Variants in IREB2 observed in about 807,000 individuals in gnomAD.
IREB2 encodes iron responsive element binding protein 2.
Under a neutral mutation model 118.8 loss-of-function variants are expected in IREB2, and 39 were observed. That is an observed-to-expected ratio of 0.33 (90% CI 0.25 to 0.43). The LOEUF is 0.43. Ranked by LOEUF, IREB2 falls within the 20% of genes least tolerant of loss-of-function variation. IREB2 has a pLI of 1.00. For synonymous variants in IREB2, 372 were observed against 392.2 expected (o/e 0.95, Z 0.61); for missense variants, 900 against 1,147.3 (o/e 0.78, Z 3.11).
At chr15:78,446,133 C>T (rs920754159) in intron 2 of IREB2, among the ~76,000 whole-genome samples, 3 of 152,144 alleles carry the variant, frequency 2.0e-5, no homozygotes, top group Non-Finnish European at 4.4e-5. Context: ...AGTCTATTGC[C>T]GGTCTGGTGA....
chr15:78,467,687 C>G (rs1229391840), intron 5 of IREB2, among the ~76,000 whole-genome samples: 1 of 150,606 alleles, frequency 6.6e-6, no homozygotes, highest in Non-Finnish European at 1.5e-5. Context: ...AAGACTCTGT[C>G]TCAGAAAAAA....
At chr15:78,448,149 A>ATATT (rs1466390774) in intron 2 of IREB2, among the ~76,000 whole-genome samples, 1 of 151,976 alleles carries the variant, frequency 6.6e-6, no homozygotes, top group Non-Finnish European at 1.5e-5. Context: ...ATGTATGTAT[A>ATATT]TATTTATTTA....
At position 78,487,780 on chromosome 15, in the gene IREB2, C is replaced by G; in HGVS notation, c.1757C>G (p.Ala586Gly). Residue 586 changes from alanine (A) to glycine (G), a missense_variant, in exon 14 of 22, where the codon GCA becomes GGA. By Grantham distance (60) the Ala-to-Gly change is moderately conservative (BLOSUM62 0). Transcript: ENST00000258886. ...YGCSICVGNT[A>G]PLSDAVLNAV... Reference sequence around the variant, plus strand: ...TGTTCAATTTGTGTGGGAAATACAGCACCCTTATCAGACGCAGTTTTAAAT... The same window carrying G: ...TGTTCAATTTGTGTGGGAAATACAGGACCCTTATCAGACGCAGTTTTAAAT... The G allele has an allele frequency of 6.2e-7, 1 of 1,608,172 alleles. No homozygotes were observed. The highest frequency in any genetic ancestry group is 8.5e-7 in the Non-Finnish European group (1 of 1,174,964).
At chr15:78,479,673 T>C (rs149313457) in intron 10 of IREB2, among the ~76,000 whole-genome samples, 66 of 152,348 alleles carry the variant, frequency 4.3e-4, no homozygotes, top group African/African-American at 1.6e-3. Flanking sequence ...TCTGGTTTAC[T>C]TGTGTATTTT....
intron 9 of IREB2, among the ~76,000 whole-genome samples, chr15:78,477,945 G>A (rs928129397): frequency 6.6e-6 from 1 of 151,846 alleles, no homozygotes; most frequent in Non-Finnish European, 1.5e-5. Flanking sequence ...TTATTGGCGG[G>A]GTGTGGTGGC....
chr15:78,455,465 C>T (rs751957778), intron 2 of IREB2, among the ~76,000 whole-genome samples: 3 of 152,092 alleles, frequency 2.0e-5, no homozygotes, highest in Non-Finnish European at 4.4e-5. Context: ...CATAGTGTCT[C>T]CTGCCTTTAA....
intron 10 of IREB2, among the ~76,000 whole-genome samples, chr15:78,478,701 T>G (rs2051517357): frequency 6.6e-6 from 1 of 152,112 alleles, no homozygotes; most frequent in African/African-American, 2.4e-5. Flanking sequence ...GTGAGACTTG[T>G]GTCAAAAAGG....
intron 16 of IREB2, among the ~76,000 whole-genome samples, chr15:78,490,103 A>G (rs897581640): frequency 6.6e-6 from 1 of 152,162 alleles, no homozygotes; most frequent in Non-Finnish European, 1.5e-5. Flanking sequence ...GTCCAAAAAC[A>G]TCATGATTTT....
chr15:78,496,669 T>A (rs1011361844), intron 20 of IREB2, among the ~76,000 whole-genome samples: 1 of 152,150 alleles, frequency 6.6e-6, no homozygotes, highest in Non-Finnish European at 1.5e-5. Flanking sequence ...CCTCAAATAA[T>A]CCTTCTGCCT....
intron 14 of IREB2, 65 bp downstream of exon 14, chr15:78,487,882 T>A: frequency 1.0e-6 from 1 of 994,790 alleles, no homozygotes; most frequent in Non-Finnish European, 1.6e-6. Flanking sequence ...TACTAAATTA[T>A]AGAAAATATA....
At chr15:78,472,000 T>A (rs1012996056) in intron 7 of IREB2, 76 bp downstream of exon 7, 4 of 1,208,340 alleles carry the variant, frequency 3.3e-6, no homozygotes, top group African/African-American at 3.1e-5. Context: ...ACATAAATTA[T>A]TGAGTTTGTA....
At chr15:78,439,679 A>G (rs112044571) in intron 1 of IREB2, 116 bp from the exon 2 acceptor site, 22 of 636,612 alleles carry the variant, frequency 3.5e-5, no homozygotes, top group African/African-American at 3.0e-4. Flanking sequence ...CAGCTCAAAC[A>G]TAGAATATTT....
intron 18 of IREB2, 78 bp downstream of exon 18, chr15:78,490,839 C>CT: frequency 7.5e-7 from 1 of 1,336,458 alleles, no homozygotes; most frequent in Non-Finnish European, 1.0e-6. Context: ...GGTCTTGTTC[C>CT]TTTTTTCCAG....
chr15:78,469,148 A>C (rs1461643607), intron 5 of IREB2, among the ~76,000 whole-genome samples: 1 of 152,150 alleles, frequency 6.6e-6, no homozygotes, highest in African/African-American at 2.4e-5. Flanking sequence ...GTATCTTTTA[A>C]TGTGTCAGTG....
chr15:78,469,257 A>T (rs148673017), intron 5 of IREB2, among the ~76,000 whole-genome samples: 15 of 152,304 alleles, frequency 9.8e-5, no homozygotes, highest in African/African-American at 3.4e-4. Context: ...TTATGAGCCA[A>T]TAAATGTTTG....
chr15:78,439,890 G>C lies in IREB2; in HGVS notation c.106+9G>C, dbSNP rs994432158. Reference sequence around the variant, plus strand: ...ACTTGGCACCAAGTATGGTAATGTTGCTTTACATTTTCTTGGGTTTGTTTA... The same window carrying C: ...ACTTGGCACCAAGTATGGTAATGTTCCTTTACATTTTCTTGGGTTTGTTTA... On this transcript the variant is annotated intron_variant, in intron 2 of 21. Coordinates refer to ENST00000258886, the MANE Select transcript of IREB2 (RefSeq NM_004136.4). 6.6e-7 allele frequency: 1 copy of C among 1,525,904 alleles called. No homozygotes were observed. The highest frequency in any genetic ancestry group is 9.0e-7 in the Non-Finnish European group (1 of 1,107,604). The allele number at this position is 1,525,904 out of a possible 1,614,324, so 94.5% of individuals were successfully genotyped here.
rs1186254161 is a variant in IREB2 at position 78,501,267 on chromosome 15, A to G, written c.*3124A>G. ...AAGTAACAAAGTAATCACTTTGTCT[A>G]TCACTAAGTAATAGACAAAAATCAT... On this transcript the variant is annotated 3_prime_UTR_variant, in exon 22 of 22. Transcript: ENST00000258886. 1.3e-5 allele frequency: 2 copies of G among 152,616 alleles called. No homozygotes were observed. Among genetic ancestry groups the G allele is most frequent in the African/African-American group, 2.4e-5 (1 of 41,454 alleles). 9.5% of individuals were successfully genotyped at this position (152,616 alleles called of 1,614,324 possible).
rs1003285697 is a variant in IREB2, at chr15:78,501,120, A to G, written c.*2977A>G. On this transcript the variant is annotated 3_prime_UTR_variant, in exon 22 of 22. Coordinates refer to ENST00000258886, the MANE Select transcript of IREB2 (RefSeq NM_004136.4). ...ATCCTATCTTAGTTTGGTTGGAGTA[A>G]TAAGAGAGAAGAAGAGGGTGGACTT... The G allele has an allele frequency of 2.0e-5, 3 of 152,176 alleles. No individual in the cohort carries two copies. The highest frequency in any genetic ancestry group is 4.4e-5 in the Non-Finnish European group (3 of 68,028). The allele number at this position is 152,176 out of a possible 1,614,324, so 9.4% of individuals were successfully genotyped here. A position where few individuals can be genotyped will look rare whatever the true frequency, so the allele number is the denominator to read the frequency against.
At chr15:78,447,910 A>G (rs2050958741) in intron 2 of IREB2, among the ~76,000 whole-genome samples, 1 of 152,228 alleles carries the variant, frequency 6.6e-6, no homozygotes, top group Non-Finnish European at 1.5e-5. Context: ...GCCAGACTGT[A>G]AATTGGTTGT....
Sources: allele counts gnomAD v4.1 joint callset (sites outside exome capture counted in the v4.1 genomes callset), GRCh38; gene constraint gnomAD v4.1.1; transcripts MANE v1.5; gene names NCBI Gene and HGNC (gene_info 2026-07-23, HGNC 2026-07-21).